The following AVPR1B variants were observed in gnomAD, a reference collection of about 807,000 sequenced individuals.
AVPR1B encodes the protein vasopressin V1b receptor.
In AVPR1B, 25 loss-of-function variants were observed where a neutral mutation model predicts 27.5. The ratio of observed to expected loss-of-function variants is 0.91; its 90% confidence interval spans 0.66 to 1.27. The LOEUF (loss-of-function observed/expected upper bound fraction) is 1.27. Ranked by LOEUF, AVPR1B falls within the 50% of genes most tolerant of loss-of-function variation. The pLI, the probability that AVPR1B is intolerant of heterozygous loss-of-function variation, is 0.00. For synonymous variants in AVPR1B, 248 were observed against 240.2 expected (o/e 1.03, Z -0.30); for missense variants, 595 against 556.9 (o/e 1.07, Z -0.69).
intron 1 of AVPR1B, among the ~76,000 whole-genome samples, chr1:206,115,063 C>T (rs1212471666): frequency 1.3e-5 from 2 of 152,090 alleles, no homozygotes; most frequent in African/African-American, 2.4e-5. Flanking sequence ...CTAAAATGAC[C>T]CCATATGAGA....
Position 206,116,594 on chromosome 1 carries a change from G to A in AVPR1B, c.297C>T (p.Arg99=), listed in dbSNP as rs1553290586. 7.4e-6 allele frequency: 12 copies of A among 1,614,158 alleles called. No individual in the cohort carries two copies. The highest frequency in any genetic ancestry group is 1.3e-5 in the African/African-American group (1 of 75,074). The change falls in exon 1 of 2, where the codon CGC becomes CGT. Residue 99 remains arginine (R), a synonymous_variant. Transcript: ENST00000367126. ...TGCACAGGAGGTCGGGGCCCTGGAAGCGGTAGGTGATGTCCCACAGCAGCT... is the reference window on the plus strand; with the variant it reads ...TGCACAGGAGGTCGGGGCCCTGGAAACGGTAGGTGATGTCCCACAGCAGCT... ...LPQLLWDITY[R]FQGPDLLCRA...
chr1:206,116,877 G>A lies in AVPR1B; in HGVS notation c.14C>T (p.Pro5Leu). The change falls in exon 1 of 2, where the codon CCT (proline) becomes CTT (leucine). Residue 5 changes from proline (P) to leucine (L), a missense_variant. Coordinates refer to ENST00000367126, the MANE Select transcript of AVPR1B (RefSeq NM_000707.5). ...AGGGGTGGGGTTGGCATCCCACAGA[G>A]GCCCAGAATCCATGAGCAAGGTTTG... Reference protein sequence around the residue: MDSGPLWDANPTPRG... With the variant: MDSGLLWDANPTPRG... 2 of 1,610,298 alleles carry A rather than the reference G, an allele frequency of 1.2e-6. 1 individual carries two copies. The highest frequency in any genetic ancestry group is 3.3e-4 in the Middle Eastern group (2 of 6,038).
In AVPR1B at chr1:206,107,483, A is replaced by G. The variant is rs1347229098; in HGVS notation, c.*2706T>C. Among the ~76,000 whole-genome samples the G allele has an allele frequency of 2.0e-5, 3 of 152,054 alleles. No individual in the cohort carries two copies. Among genetic ancestry groups the G allele is most frequent in the African/African-American group, 7.2e-5 (3 of 41,396 alleles). On this transcript the variant is annotated 3_prime_UTR_variant, in exon 2 of 2. Transcript: ENST00000367126. ...GATGAGATCCACCATTTCCTTCAGG[A>G]GCTTCCTGGAATGGGTTCCCGAGGC...
At position 206,116,532 on chromosome 1, in the gene AVPR1B, G is replaced by A. The variant is rs1553290573; in HGVS notation, c.359C>T (p.Ala120Val). 1.9e-6 allele frequency: 3 copies of A among 1,614,052 alleles called. No homozygotes were observed. The highest frequency in any genetic ancestry group is 2.7e-5 in the African/African-American group (2 of 74,938). The stretch of plus-strand genomic sequence containing the variant: ...CATGGCCAGCAGCATGTAGGTGGAG[G>A]CAAACATGCTGAGCACCTGCAGGTA... ...VKYLQVLSMF[A>V]STYMLLAMTL... The change falls in exon 1 of 2, where the codon GCC becomes GTC. Residue 120 changes from alanine (A) to valine (V), a missense_variant. Transcript: ENST00000367126.
intron 1 of AVPR1B, among the ~76,000 whole-genome samples, chr1:206,115,236 GA>G (rs79935076): frequency 1.0e-4 from 15 of 147,026 alleles, no homozygotes; most frequent in African/African-American, 2.2e-4. Context: ...TCGGGGAAGA[GA>G]AAAAAAAAAC....
At position 206,109,041 on chromosome 1, in the gene AVPR1B, G is replaced by T. The variant is rs549488701; in HGVS notation, c.*1148C>A. The stretch of plus-strand genomic sequence containing the variant: ...GTTATAATATCCTTTGTGTTTCTCT[G>T]TAACACCATTTCCAGTATTGCAGAG... On this transcript the variant is annotated 3_prime_UTR_variant, in exon 2 of 2. Transcript: ENST00000367126. Among the ~76,000 whole-genome samples, 6 of 152,338 alleles carry T rather than the reference G, an allele frequency of 3.9e-5. No individual in the cohort carries two copies. The highest frequency in any genetic ancestry group is 3.9e-4 in the Admixed American group (6 of 15,304).
At chr1:206,115,606 C>T (rs1553290377) in intron 1 of AVPR1B, among the ~76,000 whole-genome samples, 1 of 152,206 alleles carries the variant, frequency 6.6e-6, no homozygotes, top group Non-Finnish European at 1.5e-5. Context: ...TCATGGGCCA[C>T]AAATTGCTAT....
At position 206,110,195 on chromosome 1, in the gene AVPR1B, G is replaced by A. The variant is rs1553289537; in HGVS notation, c.1269C>T (p.Ile423=). 3 of 1,604,326 alleles carry A rather than the reference G, an allele frequency of 1.9e-6. No homozygotes were observed. The African/African-American group carries it at 4.0e-5, about 21-fold the overall frequency. Residue 423 remains isoleucine (I), a synonymous_variant, in exon 2 of 2, where the codon ATC becomes ATT. Transcript: ENST00000367126. The part of the protein sequence containing the change: ...ADGEGTAETI[I]F ...AGACCCCAGCGAGTCTTTCCTAAAAGATGATGGTCTCAGCGGTGCCTTCCC... is the reference window on the plus strand; with the variant it reads ...AGACCCCAGCGAGTCTTTCCTAAAAAATGATGGTCTCAGCGGTGCCTTCCC...
At position 206,116,492 on chromosome 1, in the gene AVPR1B, G is replaced by C; in HGVS notation, c.399C>G (p.Tyr133Ter). 1.2e-6 allele frequency: 2 copies of C among 1,614,078 alleles called. No homozygotes were observed. Among genetic ancestry groups the C allele is most frequent in the Non-Finnish European group, 1.7e-6 (2 of 1,179,990 alleles). Residue 133 changes from tyrosine to a stop codon, truncating the protein, a stop_gained, in exon 1 of 2, where the codon TAC becomes TAG. Transcript: ENST00000367126. LOFTEE classifies it high-confidence loss of function. ...TGCGCAGGGGGTGACAGACAGCCAG[G>C]TAGCGGTCCAGCGTCATGGCCAGCA... ...YMLLAMTLDR[Y>*]LAVCHPLRSL...
In AVPR1B at chr1:206,110,263, G is replaced by T; in HGVS notation, c.1201C>A (p.Pro401Thr). 1 of 1,614,086 alleles carries T rather than the reference G, an allele frequency of 6.2e-7. No homozygotes were observed. The highest frequency in any genetic ancestry group is 1.3e-5 in the African/African-American group (1 of 75,040). Residue 401 changes from proline to threonine, a missense_variant, in exon 2 of 2, where the codon CCC becomes ACC. Physicochemically the swap from Pro to Thr is conservative, Grantham distance 38. Transcript: ENST00000367126. The stretch of plus-strand genomic sequence containing the variant: ...TCCCTTGGTGACTCTTCAGGCCTGG[G>T]CCTCCCACTGAGGGTTAGGCTGAGG... ...LSLSLTLSGRPRPEESPRDLE... is the reference protein window; with the variant it reads ...LSLSLTLSGRTRPEESPRDLE...
rs781860421 is a variant in AVPR1B, at chr1:206,110,329, G to A, written c.1135C>T (p.Leu379=). 1 of 1,612,822 alleles carries A rather than the reference G, an allele frequency of 6.2e-7. No individual in the cohort carries two copies. Among genetic ancestry groups the A allele is most frequent in the African/African-American group, 1.3e-5 (1 of 74,932 alleles). Reference sequence around the variant, plus strand: ...GCCGGGCAGCTGGAGCGGGTCAGCAGCGTGGTGTGGCGGCTCGAGAGGCTG... The same window carrying A: ...GCCGGGCAGCTGGAGCGGGTCAGCAACGTGGTGTGGCGGCTCGAGAGGCTG... ...DGSLSSRHTT[L]LTRSSCPATL... is the part of the protein sequence containing the mutation. Residue 379 remains leucine (L), a synonymous_variant, in exon 2 of 2, where the codon CTG becomes TTG. Transcript: ENST00000367126.
Position 206,116,861 on chromosome 1 carries a change from G to A in AVPR1B, c.30C>T (p.Asn10=). 2 of 1,613,270 alleles carry A rather than the reference G, an allele frequency of 1.2e-6. No individual in the cohort carries two copies. Among genetic ancestry groups the A allele is most frequent in the Non-Finnish European group, 1.7e-6 (2 of 1,179,646 alleles). ...CAGAGAGGGTGCCCCGAGGGGTGGGGTTGGCATCCCACAGAGGCCCAGAAT... is the reference window on the plus strand; with the variant it reads ...CAGAGAGGGTGCCCCGAGGGGTGGGATTGGCATCCCACAGAGGCCCAGAAT... MDSGPLWDA[N]PTPRGTLSAP... The change falls in exon 1 of 2, where the codon AAC becomes AAT. Residue 10 remains asparagine (N), a synonymous_variant. Transcript: ENST00000367126.
chr1:206,117,056 A>G lies in AVPR1B; in HGVS notation c.-166T>C. 3 of 705,958 alleles carry G rather than the reference A, an allele frequency of 4.2e-6. No individual in the cohort carries two copies. Among genetic ancestry groups the G allele is most frequent in the Non-Finnish European group, 7.4e-6 (3 of 403,596 alleles). The allele number at this position is 705,958 out of a possible 1,614,324, so 43.7% of individuals were successfully genotyped here. A position where few individuals can be genotyped will look rare whatever the true frequency, so the allele number is the denominator to read the frequency against. On this transcript the variant is annotated 5_prime_UTR_variant, in exon 1 of 2. Coordinates refer to ENST00000367126, the MANE Select transcript of AVPR1B (RefSeq NM_000707.5). ...CGGAAATCGTTCAGAGGACTGGGATAGAGAGGAGGAGGGAGGATGAGATTC... is the reference window on the plus strand; with the variant it reads ...CGGAAATCGTTCAGAGGACTGGGATGGAGAGGAGGAGGGAGGATGAGATTC...
Position 206,117,069 on chromosome 1 carries a change from G to A in AVPR1B, c.-179C>T, listed in dbSNP as rs35916129. On this transcript the variant is annotated 5_prime_UTR_variant, in exon 1 of 2. Transcript: ENST00000367126. ...GAGGACTGGGATAGAGAGGAGGAGGGAGGATGAGATTCGGAAGGAGAAAAT... is the reference window on the plus strand; with the variant it reads ...GAGGACTGGGATAGAGAGGAGGAGGAAGGATGAGATTCGGAAGGAGAAAAT... 115 of 679,876 alleles carry A rather than the reference G, an allele frequency of 1.7e-4. No homozygotes were observed. In the African/African-American group the frequency reaches 2.0e-3, roughly 12 times the overall value. 42.1% of individuals were successfully genotyped at this position (679,876 alleles called of 1,614,324 possible).
rs527756419 is a variant in AVPR1B at position 206,107,305 on chromosome 1, C to T, written c.*2884G>A. Reference sequence around the variant, plus strand: ...TTGTTCAGTTTCTCCTGGGGTTAGCCGTCAGAAATGGGATTCACCCCAGAG... The same window carrying T: ...TTGTTCAGTTTCTCCTGGGGTTAGCTGTCAGAAATGGGATTCACCCCAGAG... On this transcript the variant is annotated 3_prime_UTR_variant, in exon 2 of 2. Coordinates refer to ENST00000367126, the MANE Select transcript of AVPR1B (RefSeq NM_000707.5). Among the ~76,000 whole-genome samples the T allele has an allele frequency of 6.6e-6, 1 of 152,162 alleles. No individual in the cohort carries two copies. Among genetic ancestry groups the T allele is most frequent in the Admixed American group, 6.5e-5 (1 of 15,280 alleles).
At chr1:206,111,447 G>T (rs1203658539) in intron 1 of AVPR1B, among the ~76,000 whole-genome samples, 4 of 152,204 alleles carry the variant, frequency 2.6e-5, no homozygotes, top group African/African-American at 7.2e-5. Flanking sequence ...CATGGCATAG[G>T]TGGCATACTG....
chr1:206,109,911 G>A lies in AVPR1B; in HGVS notation c.*278C>T. 1 of 452,740 alleles carries A rather than the reference G, an allele frequency of 2.2e-6. No individual in the cohort carries two copies. The highest frequency in any genetic ancestry group is 4.0e-6 in the Non-Finnish European group (1 of 251,862). The allele number at this position is 452,740 out of a possible 1,614,324, so 28.0% of individuals were successfully genotyped here. On this transcript the variant is annotated 3_prime_UTR_variant, in exon 2 of 2. Coordinates refer to ENST00000367126, the MANE Select transcript of AVPR1B (RefSeq NM_000707.5). ...CCTGCCTAGATCTGGGACACCATGT[G>A]TGCATGGACACCCTATGAATATGGC...
chr1:206,116,805 C>G lies in AVPR1B; in HGVS notation c.86G>C (p.Arg29Pro). 1 of 1,614,024 alleles carries G rather than the reference C, an allele frequency of 6.2e-7. No individual in the cohort carries two copies. Among genetic ancestry groups the G allele is most frequent in the Non-Finnish European group, 8.5e-7 (1 of 1,179,978 alleles). The change falls in exon 1 of 2, where the codon CGG (arginine) becomes CCG (proline). Residue 29 changes from arginine (R) to proline (P), a missense_variant. Transcript: ENST00000367126. ...APNATTPWLG[R>P]DEELAKVEIG... ...CTCCACCTTGGCCAGCTCCTCATCC[C>G]GGCCCAGCCAGGGTGTTGTGGCATT...
rs1663293845 is a variant in AVPR1B at position 206,107,233 on chromosome 1, A to G, written c.*2956T>C. ...GACTAAAGTACTGTCATTCACAGTC[A>G]CAGGATGGCATAAACAATTTACACA... is the stretch of plus-strand genomic sequence containing the variant. On this transcript the variant is annotated 3_prime_UTR_variant, in exon 2 of 2. Coordinates refer to ENST00000367126, the MANE Select transcript of AVPR1B (RefSeq NM_000707.5). Among the ~76,000 whole-genome samples, 1 of 152,160 alleles carries G rather than the reference A, an allele frequency of 6.6e-6. No homozygotes were observed. Among genetic ancestry groups the G allele is most frequent in the African/African-American group, 2.4e-5 (1 of 41,432 alleles).
Sources: allele counts gnomAD v4.1 joint callset (sites outside exome capture counted in the v4.1 genomes callset), GRCh38; gene constraint gnomAD v4.1.1; transcripts MANE v1.5; gene names NCBI Gene and HGNC (gene_info 2026-07-23, HGNC 2026-07-21).